Variants in CEP57 observed in about 807,000 individuals in gnomAD.
The protein encoded by CEP57 is centrosomal protein 57.
In CEP57, 40 loss-of-function variants were observed where a neutral mutation model predicts 68.0. The ratio of observed to expected loss-of-function variants is 0.59; its 90% CI spans 0.46 to 0.77. The LOEUF (loss-of-function observed/expected upper bound fraction) is 0.77, where lower values mean the gene tolerates loss of function less well. CEP57 is among the 30% of genes least tolerant of loss of function. The pLI is 0.00. For synonymous variants in CEP57, 219 were observed against 198.7 expected (o/e 1.10, Z -0.86); for missense variants, 606 against 580.7 (o/e 1.04, Z -0.45).
intron 2 of CEP57, among the ~76,000 whole-genome samples, chr11:95,807,419 C>T (rs1439507272): frequency 6.6e-6 from 1 of 152,128 alleles, no homozygotes; most frequent in African/African-American, 2.4e-5. Context: ...ACAAACTTCT[C>T]TGAGCTAAAG....
intron 3 of CEP57, 46 bp downstream of exon 3, chr11:95,813,157 G>A: frequency 1.3e-6 from 2 of 1,558,270 alleles, no homozygotes; most frequent in Non-Finnish European, 1.8e-6. Context: ...TAAGTGTTGT[G>A]CAGTATTAAG....
intron 6 of CEP57, 28 bp downstream of exon 6, chr11:95,818,932 C>T (rs370448879): frequency 2.6e-6 from 4 of 1,523,496 alleles, no homozygotes; most frequent in South Asian, 1.1e-5. Context: ...AAAGTGGGCT[C>T]TTCATATTTC....
Position 95,831,223 on chromosome 11 carries a change from A to C in CEP57, c.1470A>C (p.Ser490=). The change falls in exon 11 of 11, where the codon TCA becomes TCC. Residue 490 remains serine, a synonymous_variant. Transcript: ENST00000325542. ...AGGACATGCAAAGCATACAGAATTC[A>C]TTACAAAGCAGTAGTTTGTGTTGGG... is the stretch of plus-strand genomic sequence containing the variant. ...LLKDMQSIQN[S]LQSSSLCWDY is the part of the protein sequence containing the mutation. 1 of 1,613,476 alleles carries C rather than the reference A, an allele frequency of 6.2e-7. No individual in the cohort carries two copies. The highest frequency in any genetic ancestry group is 8.5e-7 in the Non-Finnish European group (1 of 1,179,500).
At chr11:95,806,649 T>C (rs1033284742) in intron 2 of CEP57, among the ~76,000 whole-genome samples, 1 of 152,184 alleles carries the variant, frequency 6.6e-6, no homozygotes, top group African/African-American at 2.4e-5. Context: ...GAGATCCAAC[T>C]GCAAGGCTGC....
intron 8 of CEP57, among the ~76,000 whole-genome samples, chr11:95,824,356 T>C (rs551458700): frequency 4.5e-4 from 69 of 152,240 alleles, no homozygotes; most frequent in Non-Finnish European, 7.4e-4. Context: ...TCATTGAAAA[T>C]GCAGCTTTTA....
In CEP57 at chr11:95,790,731, T is replaced by G. The variant is rs777372995; in HGVS notation, c.33T>G (p.Gly11=). Residue 11 remains glycine, a synonymous_variant, in exon 1 of 11, where the codon GGT becomes GGG. Transcript: ENST00000325542. The part of the protein sequence containing the change: MAAASVSAAS[G]SHLSNSFAEP... ...CGGCGTCTGTCTCTGCGGCTTCTGG[T>G]TCTCACTTGTCGGTAAGAAGCAGTT... The G allele has an allele frequency of 6.2e-7, 1 of 1,614,036 alleles. No individual in the cohort carries two copies. Among genetic ancestry groups the G allele is most frequent in the Non-Finnish European group, 8.5e-7 (1 of 1,179,986 alleles).
rs1156579654 is a variant in CEP57, at chr11:95,790,679, C to A, written c.-20C>A. The A allele has an allele frequency of 6.2e-7, 1 of 1,613,290 alleles. No homozygotes were observed. Among genetic ancestry groups the A allele is most frequent in the African/African-American group, 1.3e-5 (1 of 75,050 alleles). ...CTAGACCGCCCCCGAAGTGCGGAGA[C>A]CCCCTGGGCAGGCTGAAAGATGGCG... On this transcript the variant is annotated 5_prime_UTR_variant, in exon 1 of 11. Coordinates refer to ENST00000325542, the MANE Select transcript of CEP57 (RefSeq NM_014679.5).
At chr11:95,793,634 G>A (rs1453971428) in intron 1 of CEP57, among the ~76,000 whole-genome samples, 1 of 152,078 alleles carries the variant, frequency 6.6e-6, no homozygotes. Flanking sequence ...AGGACTACCT[G>A]GCAAGGCATA....
chr11:95,805,534 A>G (rs919240235), intron 2 of CEP57, among the ~76,000 whole-genome samples: 5 of 152,212 alleles, frequency 3.3e-5, no homozygotes, highest in African/African-American at 1.2e-4. Context: ...GGAATAAATT[A>G]TGTTAATAAA....
intron 2 of CEP57, 24 bp downstream of exon 2, chr11:95,799,412 T>C (rs200840897): frequency 6.2e-7 from 1 of 1,613,074 alleles, no homozygotes; most frequent in Non-Finnish European, 8.5e-7. Context: ...ACGAAATAAA[T>C]GTTATTTGTG....
chr11:95,797,551 A>G (rs1861401159), intron 1 of CEP57, among the ~76,000 whole-genome samples: 1 of 152,182 alleles, frequency 6.6e-6, no homozygotes, highest in Admixed American at 6.5e-5. Context: ...GAAGCTACCT[A>G]GGTGCCCTAC....
chr11:95,802,435 A>G (rs1158826037), intron 2 of CEP57, among the ~76,000 whole-genome samples: 1 of 151,854 alleles, frequency 6.6e-6, no homozygotes, highest in Non-Finnish European at 1.5e-5. Flanking sequence ...TTGTATTTTT[A>G]GTAGAGACAG....
chr11:95,810,694 AAG>A (rs1420158403), intron 2 of CEP57, among the ~76,000 whole-genome samples: 1 of 152,224 alleles, frequency 6.6e-6, no homozygotes, highest in Non-Finnish European at 1.5e-5. Flanking sequence ...AATGAAATAA[AAG>A]AGGATACAAA....
intron 1 of CEP57, among the ~76,000 whole-genome samples, chr11:95,796,405 T>C (rs1028807252): frequency 2.0e-5 from 3 of 152,206 alleles, no homozygotes; most frequent in Non-Finnish European, 2.9e-5. Context: ...GATTGGGAGT[T>C]AGAATTGGGC....
rs1188016729 is a variant in CEP57, at chr11:95,790,756, T to TGGCGCGAGTGGGCCCCACGTC, written c.45+17_45+37dup. ...TTCTCACTTGTCGGTAAGAAGCAGT[T>TGGCGCGAGTGGGCCCCACGTC]GGCGCGAGTGGGCCCCACGTCGGCC... is the stretch of plus-strand genomic sequence containing the variant. On this transcript the variant is annotated intron_variant, in intron 1 of 10. Transcript: ENST00000325542. 4 of 1,613,814 alleles carry TGGCGCGAGTGGGCCCCACGTC rather than the reference T, an allele frequency of 2.5e-6. No individual in the cohort carries two copies. Among genetic ancestry groups the TGGCGCGAGTGGGCCCCACGTC allele is most frequent in the Non-Finnish European group, 3.4e-6 (4 of 1,179,858 alleles).
chr11:95,806,006 GTA>G (rs1861782510), intron 2 of CEP57, among the ~76,000 whole-genome samples: 1 of 152,090 alleles, frequency 6.6e-6, no homozygotes, highest in African/African-American at 2.4e-5. Flanking sequence ...AACTGTCCAA[GTA>G]TATAAAGAAA....
intron 6 of CEP57, among the ~76,000 whole-genome samples, chr11:95,819,522 T>A (rs1002987148): frequency 6.6e-6 from 1 of 152,258 alleles, no homozygotes; most frequent in African/African-American, 2.4e-5. Flanking sequence ...GAAGTAAGTC[T>A]GACTTACAGA....
At chr11:95,808,092 C>T (rs1455336946) in intron 2 of CEP57, among the ~76,000 whole-genome samples, 1 of 152,082 alleles carries the variant, frequency 6.6e-6, no homozygotes, top group Non-Finnish European at 1.5e-5. Context: ...AATTTTCAAC[C>T]CAGAATTTCA....
chr11:95,811,633 C>A (rs1032191838), intron 2 of CEP57, among the ~76,000 whole-genome samples: 26 of 145,068 alleles, frequency 1.8e-4, no homozygotes, highest in Non-Finnish European at 6.0e-5. Flanking sequence ...TGTGAAAAAT[C>A]AAAACATCTG....
Sources: allele counts gnomAD v4.1 joint callset (sites outside exome capture counted in the v4.1 genomes callset), GRCh38; gene constraint gnomAD v4.1.1; transcripts MANE v1.5; gene names NCBI Gene and HGNC (gene_info 2026-07-23, HGNC 2026-07-21).